NPAS3: variants seen among roughly 807,000 people sequenced by gnomAD.
NPAS3 encodes neuronal PAS domain-containing protein 3.
In NPAS3, 14 loss-of-function variants were observed where a neutral mutation model predicts 73.1. The ratio of observed to expected loss-of-function variants is 0.19; its 90% CI spans 0.13 to 0.30. The LOEUF is 0.30. Among genes scored for constraint, NPAS3 ranks in the 10% least tolerant of loss-of-function variants. NPAS3 has a pLI of 1.00. For synonymous variants in NPAS3, 620 were observed against 541.5 expected (o/e 1.14, Z -2.01); for missense variants, 1,096 against 1,250.0 (o/e 0.88, Z 1.86).
At chr14:33,431,784 C>T (rs1044715948) in intron 4 of NPAS3, among the ~76,000 whole-genome samples, 8 of 151,762 alleles carry the variant, frequency 5.3e-5, no homozygotes, top group Admixed American at 5.2e-4. Context: ...TTGAGAACTC[C>T]CAAATTAAGA....
chr14:33,557,297 A>G (rs1888040), intron 4 of NPAS3, among the ~76,000 whole-genome samples: 125,221 of 152,112 alleles, frequency 0.82, 51,653 homozygotes, highest in Admixed American at 0.84. Flanking sequence ...AGCTGGTTCC[A>G]TGGGAAATAT....
intron 3 of NPAS3, among the ~76,000 whole-genome samples, chr14:33,309,219 G>A (rs868090945): frequency 7.2e-5 from 11 of 152,148 alleles, no homozygotes; most frequent in South Asian, 6.2e-4. Flanking sequence ...AAAAGGAAAA[G>A]AGAAGGCAGG....
chr14:33,764,070 C>T (rs1191038594), intron 7 of NPAS3, among the ~76,000 whole-genome samples: 2 of 152,148 alleles, frequency 1.3e-5, no homozygotes. Context: ...CTGAGGAAGA[C>T]AGGAGTGGCT....
At chr14:33,693,313 T>C (rs1364884497) in intron 6 of NPAS3, among the ~76,000 whole-genome samples, 2 of 152,242 alleles carry the variant, frequency 1.3e-5, no homozygotes, top group Admixed American at 6.5e-5. Context: ...TTGCTTTCTA[T>C]AGTTGGGTCC....
chr14:33,312,147 T>A (rs2043028159), intron 3 of NPAS3, among the ~76,000 whole-genome samples: 1 of 152,116 alleles, frequency 6.6e-6, no homozygotes. Flanking sequence ...TATTAACAAA[T>A]CAGCCAAAGG....
intron 3 of NPAS3, among the ~76,000 whole-genome samples, chr14:33,331,565 C>T: frequency 6.6e-6 from 1 of 151,056 alleles, no homozygotes. Flanking sequence ...TTTCTATTCC[C>T]CCTTACTGTC....
At chr14:33,801,141 C>A, downstream of NPAS3, 1 of 1,545,940 alleles carries the variant, frequency 6.5e-7, no homozygotes, top group East Asian at 2.4e-5. Flanking sequence ...GGCCAGGCCC[C>A]GCTTGGAGGA....
chr14:33,300,280 G>A (rs2042476033), intron 3 of NPAS3, among the ~76,000 whole-genome samples: 1 of 152,210 alleles, frequency 6.6e-6, no homozygotes. Context: ...ATTACAGTCT[G>A]AGGTTTGCAA....
At chr14:33,763,943 AG>A (rs2140843212) in intron 7 of NPAS3, among the ~76,000 whole-genome samples, 2 of 151,972 alleles carry the variant, frequency 1.3e-5, no homozygotes, top group Admixed American at 1.3e-4. Flanking sequence ...TTCCCCTTTA[AG>A]GGGATGGCTT....
At chr14:33,439,490 A>G (rs1338074871) in intron 4 of NPAS3, among the ~76,000 whole-genome samples, 1 of 152,246 alleles carries the variant, frequency 6.6e-6, no homozygotes, top group African/African-American at 2.4e-5. Flanking sequence ...TACGTTCCTC[A>G]GAGCCGAGTT....
chr14:33,117,158 A>G (rs12881891), intron 2 of NPAS3, among the ~76,000 whole-genome samples: 45,203 of 151,814 alleles, frequency 0.3, 8,038 homozygotes, highest in Admixed American at 0.52. Context: ...CAATCAGGGT[A>G]TTTAGCATGA....
At chr14:33,577,074 G>C (rs752849822) in intron 5 of NPAS3, among the ~76,000 whole-genome samples, 1 of 152,212 alleles carries the variant, frequency 6.6e-6, no homozygotes. Flanking sequence ...CTCAATATGA[G>C]TAAAGACAAT....
intron 1 of NPAS3, among the ~76,000 whole-genome samples, chr14:32,968,013 T>C (rs1234391115): frequency 6.6e-6 from 1 of 152,114 alleles, no homozygotes. Context: ...CATTTCTCAC[T>C]AGTGTGGAAT....
chr14:33,271,388 G>C (rs188351667), intron 3 of NPAS3, among the ~76,000 whole-genome samples: 177 of 152,226 alleles, frequency 1.2e-3, no homozygotes, highest in African/African-American at 4.0e-3. Flanking sequence ...CAGGGAAAGG[G>C]GGTTCTGGTT....
At chr14:33,156,800 TC>T in intron 2 of NPAS3, among the ~76,000 whole-genome samples, 1 of 152,290 alleles carries the variant, frequency 6.6e-6, no homozygotes, top group Non-Finnish European at 1.5e-5. Flanking sequence ...CTCAGAGAAG[TC>T]ACAGTGCACT....
chr14:33,615,659 T>C (rs979929337), intron 5 of NPAS3, among the ~76,000 whole-genome samples: 2 of 152,206 alleles, frequency 1.3e-5, no homozygotes, highest in African/African-American at 4.8e-5. Context: ...CCCTTTGCTA[T>C]AATAATTTGA....
At chr14:33,578,049 A>G (rs1433261128) in intron 5 of NPAS3, among the ~76,000 whole-genome samples, 1 of 152,236 alleles carries the variant, frequency 6.6e-6, no homozygotes, top group Non-Finnish European at 1.5e-5. Flanking sequence ...GGGCCGTAGA[A>G]AACTGTTGGG....
At chr14:33,641,410 T>C (rs2058671904) in intron 5 of NPAS3, among the ~76,000 whole-genome samples, 1 of 152,230 alleles carries the variant, frequency 6.6e-6, no homozygotes, top group South Asian at 2.1e-4. Flanking sequence ...AATCTCCTCA[T>C]ACCAGCTAAA....
chr14:32,975,860 C>CGTGT (rs71118522), intron 1 of NPAS3, among the ~76,000 whole-genome samples: 28 of 145,746 alleles, frequency 1.9e-4, no homozygotes, highest in African/African-American at 4.8e-4. Flanking sequence ...TGGTGAGGGG[C>CGTGT]GTGTGTGTGT....
Sources: gnomAD v4.1 joint callset for allele counts (sites outside exome capture counted in the v4.1 genomes callset) on GRCh38, gnomAD v4.1.1 for gene constraint, MANE v1.5 for transcripts, NCBI Gene and HGNC (gene_info 2026-07-23, HGNC 2026-07-21) for gene names.